The following KAT6B variants were observed in gnomAD, a reference collection of about 807,000 sequenced individuals.
KAT6B encodes the protein histone acetyltransferase KAT6B.
A neutral mutation model predicts 187.5 loss-of-function variants in KAT6B; 10 were observed. The observed-to-expected ratio is 0.05, with a 90% CI of 0.03 to 0.09. The LOEUF is 0.09. Ranked by LOEUF, KAT6B falls within the 10% of genes least tolerant of loss-of-function variation. KAT6B has a pLI of 1.00. For missense variants in KAT6B, 1,952 were observed against 2,558.9 expected, an observed-to-expected ratio of 0.76 and a Z score of 5.12; for synonymous variants, 861 against 926.8, an observed-to-expected ratio of 0.93 and a Z score of 1.29.
chr10:74,973,048 A>G (rs1250552422), intron 7 of KAT6B, among the ~76,000 whole-genome samples: 1 of 152,260 alleles, frequency 6.6e-6, no homozygotes, highest in East Asian at 1.9e-4. Context: ...ATAACATTTT[A>G]GAAAAATACC....
chr10:74,992,555 C>T (rs1427532296), intron 13 of KAT6B, among the ~76,000 whole-genome samples: 2 of 152,120 alleles, frequency 1.3e-5, no homozygotes, highest in Non-Finnish European at 2.9e-5. Context: ...GCCCAGGAAA[C>T]GATCAAGTAT....
intron 3 of KAT6B, among the ~76,000 whole-genome samples, chr10:74,929,086 G>A (rs1277296888): frequency 1.3e-5 from 2 of 152,194 alleles, no homozygotes; most frequent in Admixed American, 6.5e-5. Context: ...ATAAGACTGC[G>A]TGGTAGTGGT....
chr10:75,029,668 A>G lies in KAT6B; in HGVS notation c.4844A>G (p.Asn1615Ser), dbSNP rs755777876. ...SHPGQSVRSV[N>S]SPSVPALENS... ...CCTGGCCAGTCCGTACGTTCTGTCA[A>G]CAGCCCAAGTGTCCCTGCTCTGGAA... The change falls in exon 18 of 18, where the codon AAC (asparagine) becomes AGC (serine). Residue 1615 changes from asparagine (N) to serine (S), a missense_variant. Around this residue, in one of 9 missense-constraint regions of KAT6B, gnomAD observed 758 missense variants for 891.4 expected, o/e 0.85. Transcript: ENST00000287239. This position sits in a 1 kb window ranked among gnomAD's most constrained non-coding sequence, Gnocchi z 6.2. The G allele has an allele frequency of 6.2e-7, 1 of 1,614,144 alleles. No homozygotes were observed. Among genetic ancestry groups the G allele is most frequent in the Non-Finnish European group, 8.5e-7 (1 of 1,180,022 alleles).
At chr10:74,898,997 C>CAA (rs776291985) in intron 3 of KAT6B, among the ~76,000 whole-genome samples, 5 of 108,082 alleles carry the variant, frequency 4.6e-5, no homozygotes, top group South Asian at 3.1e-4. Context: ...ACTAAAAATA[C>CAA]AAAAAAAAAA....
chr10:74,860,246 T>C lies in KAT6B; in HGVS notation c.621+16768T>C, dbSNP rs545794670. On this transcript the variant is annotated intron_variant, in intron 3 of 17. Transcript: ENST00000287239. Reference sequence around the variant, plus strand: ...GACCACTTAGGTTCCCCATTTAGTATGTGACACATAGCAAAAGCAAACAAG... The same window carrying C: ...GACCACTTAGGTTCCCCATTTAGTACGTGACACATAGCAAAAGCAAACAAG... 2.6e-5 allele frequency among the ~76,000 whole-genome samples: 4 copies of C among 152,268 alleles called. No individual in the cohort carries two copies. In the South Asian group the frequency reaches 8.3e-4, roughly 32 times the overall value.
chr10:74,843,415 G>A lies in KAT6B; in HGVS notation c.558G>A (p.Gln186=). The A allele has an allele frequency of 6.2e-7, 1 of 1,614,044 alleles. No individual in the cohort carries two copies. Among genetic ancestry groups the A allele is most frequent in the East Asian group, 2.2e-5 (1 of 44,888 alleles). The change falls in exon 3 of 18, where the codon CAG becomes CAA. Residue 186 remains glutamine, a synonymous_variant. Coordinates refer to ENST00000287239, the MANE Select transcript of KAT6B (RefSeq NM_012330.4). ...GCTTAGATGGCAAAGGGGCACCTCAGTATCCCAGTGCATTCCCATCCTCGC... is the reference window on the plus strand; with the variant it reads ...GCTTAGATGGCAAAGGGGCACCTCAATATCCCAGTGCATTCCCATCCTCGC... ...YGSLDGKGAP[Q]YPSAFPSSLP...
Position 74,916,140 on chromosome 10 carries a change from C to T in KAT6B, c.622-43830C>T, listed in dbSNP as rs998945099. 5.3e-5 allele frequency among the ~76,000 whole-genome samples: 8 copies of T among 151,712 alleles called. No homozygotes were observed. The South Asian group carries it at 8.3e-4, about 16-fold the overall frequency. On this transcript the variant is annotated intron_variant, in intron 3 of 17. Coordinates refer to ENST00000287239, the MANE Select transcript of KAT6B (RefSeq NM_012330.4). Reference sequence around the variant, plus strand: ...TTGTGACACTGCACTCCAGCCTGGGCGATAGAGCAAGACTCTATCTTGAAG... The same window carrying T: ...TTGTGACACTGCACTCCAGCCTGGGTGATAGAGCAAGACTCTATCTTGAAG...
chr10:74,998,962 T>G (rs778295734), intron 13 of KAT6B, among the ~76,000 whole-genome samples: 1 of 152,346 alleles, frequency 6.6e-6, no homozygotes, highest in South Asian at 2.1e-4. Context: ...GTAATGCTTG[T>G]GATAAGCAAG....
At chr10:74,971,537 A>T (rs1026231740) in intron 6 of KAT6B, among the ~76,000 whole-genome samples, 1 of 152,154 alleles carries the variant, frequency 6.6e-6, no homozygotes, top group Non-Finnish European at 1.5e-5. Context: ...TTAAGTAGTC[A>T]GATTGAACAT....
intron 17 of KAT6B, 105 bp from the exon 18 acceptor site, chr10:75,028,384 G>A: frequency 1.3e-6 from 2 of 1,536,342 alleles, no homozygotes; most frequent in Non-Finnish European, 8.9e-7. Flanking sequence ...ATGCCAAATT[G>A]AAAGCAGTGT....
intron 3 of KAT6B, among the ~76,000 whole-genome samples, chr10:74,851,843 T>G (rs1195784738): frequency 1.3e-5 from 2 of 152,274 alleles, no homozygotes; most frequent in Non-Finnish European, 2.9e-5. Flanking sequence ...CAGCAGTTGC[T>G]TGAGTTGTTT....
chr10:74,981,954 C>A, intron 11 of KAT6B, 26 bp downstream of exon 11: 1 of 1,609,044 alleles, frequency 6.2e-7, no homozygotes, highest in Non-Finnish European at 8.5e-7. Context: ...TAAAAAAATT[C>A]AGCTTTTTGA....
At chr10:74,831,035 C>T (rs1008006854) in intron 1 of KAT6B, among the ~76,000 whole-genome samples, 6 of 151,776 alleles carry the variant, frequency 4.0e-5, no homozygotes, top group African/African-American at 1.2e-4. Flanking sequence ...TTGACCCGCC[C>T]GTCTTGGCCT....
In KAT6B at chr10:74,975,993, C is replaced by T; in HGVS notation, c.1656C>T (p.Thr552=). The T allele has an allele frequency of 6.2e-7, 1 of 1,614,168 alleles. No homozygotes were observed. Among genetic ancestry groups the T allele is most frequent in the Non-Finnish European group, 8.5e-7 (1 of 1,180,026 alleles). Residue 552 remains threonine, a synonymous_variant, in exon 8 of 18, where the codon ACC becomes ACT. Coordinates refer to ENST00000287239, the MANE Select transcript of KAT6B (RefSeq NM_012330.4). ...TTGATGGGCTTTCTCATATCTATACCACTCAGGGACAGTCTCGCAAAAAGG... is the reference window on the plus strand; with the variant it reads ...TTGATGGGCTTTCTCATATCTATACTACTCAGGGACAGTCTCGCAAAAAGG... The part of the protein sequence containing the change: ...ALFDGLSHIY[T]TQGQSRKKGH...
At chr10:74,909,879 C>T (rs1275796964) in intron 3 of KAT6B, among the ~76,000 whole-genome samples, 1 of 152,094 alleles carries the variant, frequency 6.6e-6, no homozygotes, top group Non-Finnish European at 1.5e-5. Flanking sequence ...ATTTAGATTT[C>T]AGTCATGTAT....
At chr10:74,970,254 T>A (rs186132226) in intron 6 of KAT6B, among the ~76,000 whole-genome samples, 153 bp downstream of exon 6, 51 of 151,874 alleles carry the variant, frequency 3.4e-4, no homozygotes, top group Admixed American at 2.8e-3. Flanking sequence ...AGGTTGTGAA[T>A]AGAGGAGTAT....
chr10:75,024,902 C>G (rs1845701340), intron 16 of KAT6B, 56 bp from the exon 17 acceptor site: 2 of 1,540,384 alleles, frequency 1.3e-6, no homozygotes, highest in Non-Finnish European at 1.8e-6. Flanking sequence ...TGCATATCGA[C>G]TCAACCATTT....
At chr10:74,883,936 T>A (rs946802493) in intron 3 of KAT6B, among the ~76,000 whole-genome samples, 1 of 152,190 alleles carries the variant, frequency 6.6e-6, no homozygotes, top group African/African-American at 2.4e-5. Context: ...GTTGAATGAG[T>A]CTCAGTGCTC....
At chr10:74,963,950 C>G (rs1471135993) in intron 4 of KAT6B, among the ~76,000 whole-genome samples, 1 of 151,838 alleles carries the variant, frequency 6.6e-6, no homozygotes, top group Non-Finnish European at 1.5e-5. Flanking sequence ...ATGGTGAAAC[C>G]CCATCCCTAC....
Sources: gnomAD v4.1 joint callset for allele counts (sites outside exome capture counted in the v4.1 genomes callset) on GRCh38, gnomAD v4.1.1 for gene constraint, gnomAD v4.1.1 regional missense constraint, Gnocchi (gnomAD v3.1) non-coding constraint, MANE v1.5 for transcripts, NCBI Gene and HGNC (gene_info 2026-07-23, HGNC 2026-07-21) for gene names.